CSMD1: variants seen among roughly 807,000 people sequenced by gnomAD.
The protein encoded by CSMD1 is CUB and sushi domain-containing protein 1.
Under a neutral mutation model 417.5 loss-of-function variants are expected in CSMD1, and 213 were observed. That is an observed-to-expected ratio of 0.51 (90% CI 0.46 to 0.57). CSMD1 has a LOEUF of 0.57. CSMD1 is among the 20% of genes least tolerant of loss of function. The pLI is 0.00. For synonymous variants in CSMD1, 2,862 were observed against 1,736.8 expected (o/e 1.65, Z -16.11); for missense variants, 6,923 against 4,529.7 (o/e 1.53, Z -15.17).
At chr8:3,890,622 G>A (rs553229540) in intron 5 of CSMD1, among the ~76,000 whole-genome samples, 6 of 152,160 alleles carry the variant, frequency 3.9e-5, no homozygotes, top group South Asian at 2.1e-4. Context: ...ATATTTTTCC[G>A]ATTTCAGAGA....
At chr8:4,858,068 G>T (rs1224324925) in intron 1 of CSMD1, among the ~76,000 whole-genome samples, 1 of 152,038 alleles carries the variant, frequency 6.6e-6, no homozygotes, top group East Asian at 1.9e-4. Flanking sequence ...TATCCACCAT[G>T]ATCAAGTGGG....
chr8:3,256,542 A>T (rs562166362), intron 26 of CSMD1, among the ~76,000 whole-genome samples: 1 of 152,338 alleles, frequency 6.6e-6, no homozygotes, highest in South Asian at 2.1e-4. Context: ...TGCACTAAAA[A>T]AGCTATAATC....
At chr8:4,840,058 C>T (rs1482572284) in intron 1 of CSMD1, among the ~76,000 whole-genome samples, 2 of 107,290 alleles carry the variant, frequency 1.9e-5, no homozygotes, top group Non-Finnish European at 4.2e-5. Flanking sequence ...TGGCTTTCCT[C>T]GGTGGACCGC....
chr8:4,055,868 C>G (rs1429417082), intron 3 of CSMD1, among the ~76,000 whole-genome samples: 1 of 152,014 alleles, frequency 6.6e-6, no homozygotes, highest in Non-Finnish European at 1.5e-5. Context: ...CTTATTTAAA[C>G]ATACCAAAAT....
At chr8:4,257,720 A>C (rs1040689662) in intron 3 of CSMD1, among the ~76,000 whole-genome samples, 2 of 152,164 alleles carry the variant, frequency 1.3e-5, no homozygotes, top group African/African-American at 4.8e-5. Context: ...CTGGGTACCA[A>C]ATACCTCTCT....
intron 3 of CSMD1, among the ~76,000 whole-genome samples, chr8:4,053,702 T>C (rs1210885678): frequency 6.6e-6 from 1 of 152,124 alleles, no homozygotes; most frequent in Admixed American, 6.5e-5. Flanking sequence ...CAGCTCATCA[T>C]GGCAGTAGGA....
At chr8:3,034,190 A>G (rs935965289) in intron 50 of CSMD1, among the ~76,000 whole-genome samples, 11 of 152,250 alleles carry the variant, frequency 7.2e-5, no homozygotes, top group African/African-American at 2.4e-4. Context: ...CTTAACAGGT[A>G]GAAGAAAAAT....
intron 23 of CSMD1, among the ~76,000 whole-genome samples, chr8:3,323,940 G>T (rs374216148): frequency 8.2e-5 from 11 of 134,144 alleles, no homozygotes; most frequent in Admixed American, 6.1e-4. Flanking sequence ...TAACCCCAGA[G>T]ACCCAGGAGG....
intron 22 of CSMD1, among the ~76,000 whole-genome samples, chr8:3,343,893 G>A (rs1011520016): frequency 3.3e-5 from 5 of 152,054 alleles, no homozygotes; most frequent in African/African-American, 1.2e-4. Flanking sequence ...ATTCCCTTCT[G>A]TCTGAATGCA....
chr8:4,822,293 G>A (rs765879446), intron 1 of CSMD1, among the ~76,000 whole-genome samples: 3 of 152,166 alleles, frequency 2.0e-5, no homozygotes, highest in Non-Finnish European at 4.4e-5. Flanking sequence ...TAGGACACCA[G>A]ATACCACTGA....
rs17330367 is a variant in CSMD1, at chr8:3,991,748, T to C, written c.818+6155A>G. Among the ~76,000 whole-genome samples the C allele has an allele frequency of 5.9e-3, 894 of 152,254 alleles. 7 individuals carry two copies. The highest frequency in any genetic ancestry group is 9.4e-3 in the Non-Finnish European group (642 of 68,008). ...CTGTTTTGAAATTAGCGATGAAATG[T>C]GGTCTCAACTTTTTTAAAAGGAGGA... is the stretch of plus-strand genomic sequence containing the variant. On this transcript the variant is annotated intron_variant, in intron 5 of 69. Transcript: ENST00000635120.
intron 5 of CSMD1, among the ~76,000 whole-genome samples, chr8:3,762,858 G>T (rs1416872415): frequency 6.6e-6 from 1 of 152,152 alleles, no homozygotes; most frequent in African/African-American, 2.4e-5. Flanking sequence ...GCCGAGACAC[G>T]GTGGACAGTG....
Position 4,420,044 on chromosome 8 carries a change from G to T in CSMD1, c.324C>A (p.Pro108=). Residue 108 remains proline (P), a synonymous_variant, in exon 3 of 70, where the codon CCC becomes CCA. Coordinates refer to ENST00000635120, the MANE Select transcript of CSMD1 (RefSeq NM_033225.6). ...TAGATCCTGTACTCACTATAGAGGAGGGCAGCTGAAATCCCGATAATCTAA... is the reference window on the plus strand; with the variant it reads ...TAGATCCTGTACTCACTATAGAGGATGGCAGCTGAAATCCCGATAATCTAA... ...LKVRLSGFQL[P]SSIVSTGSIL... The T allele has an allele frequency of 6.4e-7, 1 of 1,572,024 alleles. No individual in the cohort carries two copies. The highest frequency in any genetic ancestry group is 8.6e-7 in the Non-Finnish European group (1 of 1,157,044).
At chr8:3,560,148 A>G (rs1159077801) in intron 10 of CSMD1, among the ~76,000 whole-genome samples, 1 of 152,200 alleles carries the variant, frequency 6.6e-6, no homozygotes, top group Admixed American at 6.5e-5. Flanking sequence ...AGTTGATTAT[A>G]TAACTTATCT....
At chr8:4,859,548 C>G (rs900087487) in intron 1 of CSMD1, among the ~76,000 whole-genome samples, 1 of 151,896 alleles carries the variant, frequency 6.6e-6, no homozygotes, top group Admixed American at 6.6e-5. Context: ...ACAATGAACT[C>G]AAACAAATTT....
At position 3,566,987 on chromosome 8, in the gene CSMD1, G is replaced by A. The variant is rs950344286; in HGVS notation, c.1344+7958C>T. Among the ~76,000 whole-genome samples, 9 of 152,306 alleles carry A rather than the reference G, an allele frequency of 5.9e-5. No homozygotes were observed. In the East Asian group the frequency reaches 1.3e-3, roughly 23 times the overall value. On this transcript the variant is annotated intron_variant, in intron 10 of 69. Coordinates refer to ENST00000635120, the MANE Select transcript of CSMD1 (RefSeq NM_033225.6). ...AGACACATGCAGGTATAAGTTCATT[G>A]CAGCACTATTGACAATAGAAAATAC...
At chr8:3,299,812 TC>T (rs1159575949) in intron 25 of CSMD1, among the ~76,000 whole-genome samples, 1 of 152,222 alleles carries the variant, frequency 6.6e-6, no homozygotes, top group Non-Finnish European at 1.5e-5. Flanking sequence ...ATATTTTTTT[TC>T]TGGACAGATT....
At chr8:3,396,127 G>C (rs751179029) in intron 17 of CSMD1, 67 bp downstream of exon 17, 11 of 1,385,884 alleles carry the variant, frequency 7.9e-6, no homozygotes, top group Non-Finnish European at 1.1e-5. Flanking sequence ...CTGGAAATAA[G>C]AACCCAGATC....
At chr8:3,675,733 C>G (rs373305687) in intron 7 of CSMD1, among the ~76,000 whole-genome samples, 1 of 152,068 alleles carries the variant, frequency 6.6e-6, no homozygotes, top group Non-Finnish European at 1.5e-5. Flanking sequence ...GCACCTTGAT[C>G]TTGGACTTCC....
Sources: gnomAD v4.1 joint callset for allele counts (sites outside exome capture counted in the v4.1 genomes callset) on GRCh38, gnomAD v4.1.1 for gene constraint, MANE v1.5 for transcripts, NCBI Gene and HGNC (gene_info 2026-07-23, HGNC 2026-07-21) for gene names.